Variants in TEX9 observed in about 807,000 individuals in gnomAD.
TEX9 encodes the protein testis-expressed protein 9.
Under a neutral mutation model 59.6 loss-of-function variants are expected in TEX9, and 74 were observed. That is an observed-to-expected ratio of 1.24 (90% CI 1.03 to 1.51). The LOEUF (loss-of-function observed/expected upper bound fraction) is 1.51. Among genes scored for constraint, TEX9 ranks in the 40% most tolerant of loss-of-function variants. TEX9 has a pLI of 0.00. For missense variants in TEX9, 522 were observed against 447.8 expected (o/e 1.17, Z -1.49); for synonymous variants, 186 against 152.2 (o/e 1.22, Z -1.64).
chr15:56,446,062 G>A (rs2050899579), downstream of TEX9: 1 of 151,884 alleles, frequency 6.6e-6, no homozygotes, highest in South Asian at 2.1e-4. Flanking sequence ...ACACATATAT[G>A]TGTCATTTAT....
intron 1 of TEX9, among the ~76,000 whole-genome samples, chr15:56,295,824 T>C (rs533953743): frequency 1.6e-4 from 24 of 152,202 alleles, no homozygotes; most frequent in Non-Finnish European, 2.4e-4. Context: ...AAGCTCCCCA[T>C]TGGGACAGGA....
At chr15:56,411,535 C>T (rs1358243616) in intron 9 of TEX9, among the ~76,000 whole-genome samples, 1 of 151,752 alleles carries the variant, frequency 6.6e-6, no homozygotes, top group South Asian at 2.1e-4. Context: ...AATGAGTGGG[C>T]AGAGATCAGG....
At chr15:56,382,869 C>T (rs887124553) in intron 3 of TEX9, among the ~76,000 whole-genome samples, 2 of 152,174 alleles carry the variant, frequency 1.3e-5, no homozygotes, top group African/African-American at 2.4e-5. Context: ...CCTTTAGTGC[C>T]CTGGTTGGTG....
At chr15:56,401,578 A>G (rs976155984) in intron 9 of TEX9, among the ~76,000 whole-genome samples, 14 of 152,134 alleles carry the variant, frequency 9.2e-5, no homozygotes, top group Non-Finnish European at 8.8e-5. Flanking sequence ...GTATTAGATT[A>G]ATGAGACAGA....
chr15:56,394,568 A>G (rs2048364539), intron 8 of TEX9, 93 bp from the exon 9 acceptor site: 2 of 940,634 alleles, frequency 2.1e-6, no homozygotes, highest in Admixed American at 3.0e-5. Context: ...GTGTATAAAT[A>G]TCAAAGAACA....
intron 1 of TEX9, among the ~76,000 whole-genome samples, chr15:56,340,964 A>ATGT (rs71749742): frequency 0.031 from 4,784 of 152,156 alleles, 178 homozygotes; most frequent in East Asian, 0.093. Flanking sequence ...CTGGGGTTCA[A>ATGT]TGTTCTGAAG....
At chr15:56,254,463 C>T (rs1401744573) in intron 1 of TEX9, among the ~76,000 whole-genome samples, 2 of 151,616 alleles carry the variant, frequency 1.3e-5, no homozygotes, top group Admixed American at 1.3e-4. Flanking sequence ...TTCTGAGAGC[C>T]AACAGACAGA....
chr15:56,428,829 T>C (rs2050455362), intron 12 of TEX9: 1 of 390,918 alleles, frequency 2.6e-6, no homozygotes, highest in Non-Finnish European at 4.5e-6. Flanking sequence ...TCTGTATTAG[T>C]CAAGGTAAAT....
chr15:56,250,317 G>T (rs2043985034), intron 1 of TEX9, among the ~76,000 whole-genome samples: 1 of 152,196 alleles, frequency 6.6e-6, no homozygotes, highest in Non-Finnish European at 1.5e-5. Flanking sequence ...AGGAGCTAAA[G>T]TTAAAAGTGG....
intron 1 of TEX9, among the ~76,000 whole-genome samples, chr15:56,272,238 C>T (rs1411972027): frequency 6.6e-6 from 1 of 152,168 alleles, no homozygotes; most frequent in African/African-American, 2.4e-5. Flanking sequence ...TTCCATCGCC[C>T]CAAGAAGAAA....
chr15:56,414,852 CCCA>C (rs1257352615), intron 10 of TEX9, among the ~76,000 whole-genome samples: 1 of 151,790 alleles, frequency 6.6e-6, no homozygotes, highest in East Asian at 1.9e-4. Flanking sequence ...AATTTACACT[CCCA>C]CCAAGTGTAT....
chr15:56,426,368 C>T (rs2050242873), intron 10 of TEX9, among the ~76,000 whole-genome samples: 2 of 151,754 alleles, frequency 1.3e-5, no homozygotes, highest in African/African-American at 4.8e-5. Context: ...ACATTTCCTA[C>T]TGCTTTGAAT....
rs562830700 is a variant in TEX9 at position 56,251,720 on chromosome 15, A to G, written c.-107+7442A>G. Among the ~76,000 whole-genome samples the G allele has an allele frequency of 1.7e-4, 26 of 152,220 alleles. No individual in the cohort carries two copies. The East Asian group carries it at 5.0e-3, about 29-fold the overall frequency. ...AAGATAATGGCTTAGTGTTGATAGG[A>G]GCAGTAGGCCCAGGGAATGATAGAA... is the stretch of plus-strand genomic sequence containing the variant. On this transcript the variant is annotated intron_variant, in intron 1 of 5. Coordinates refer to the TEX9 transcript ENST00000560827.
In TEX9 at chr15:56,388,464, G is replaced by T; in HGVS notation, c.264-8G>T. 1 of 1,605,664 alleles carries T rather than the reference G, an allele frequency of 6.2e-7. No individual in the cohort carries two copies. Among genetic ancestry groups the T allele is most frequent in the East Asian group, 2.2e-5 (1 of 44,704 alleles). On this transcript the variant is annotated splice_polypyrimidine_tract_variant and splice_region_variant and intron_variant, in intron 4 of 12. Transcript: ENST00000352903. ...TATTAATGTATAATGTTTATTTTTG[G>T]CCTGTAGAGGTCTGTTACCATCTGA...
the TEX9 span, among the ~76,000 whole-genome samples, chr15:56,453,064 T>C: frequency 6.6e-6 from 1 of 152,230 alleles, no homozygotes; most frequent in African/African-American, 2.4e-5. Flanking sequence ...AAATTTTTAT[T>C]ACAGATATTA....
chr15:56,371,594 C>T (rs1300504607), intron 2 of TEX9, among the ~76,000 whole-genome samples: 8 of 151,870 alleles, frequency 5.3e-5, no homozygotes, highest in Non-Finnish European at 8.8e-5. Context: ...TTTCTTTATG[C>T]AATTTGTTAC....
chr15:56,320,128 A>AT (rs2045870578), intron 1 of TEX9, among the ~76,000 whole-genome samples: 1 of 151,892 alleles, frequency 6.6e-6, no homozygotes, highest in Non-Finnish European at 1.5e-5. Context: ...CATCTTTTAA[A>AT]CTCTCATTTT....
the TEX9 span, among the ~76,000 whole-genome samples, chr15:56,452,514 CT>C: frequency 1.5e-5 from 2 of 137,146 alleles, no homozygotes; most frequent in Non-Finnish European, 3.2e-5. Flanking sequence ...GTTTTGTTTT[CT>C]TTTTTTCTTT....
chr15:56,302,969 A>T (rs1446862213), intron 1 of TEX9, among the ~76,000 whole-genome samples: 2 of 152,230 alleles, frequency 1.3e-5, no homozygotes, highest in Non-Finnish European at 2.9e-5. Flanking sequence ...GATGAAAGTC[A>T]TTGTATAATT....
Sources: gnomAD v4.1 joint callset for allele counts (sites outside exome capture counted in the v4.1 genomes callset) on GRCh38, gnomAD v4.1.1 for gene constraint, MANE v1.5 for transcripts, NCBI Gene and HGNC (gene_info 2026-07-23, HGNC 2026-07-21) for gene names.